Variants in MYH16 observed in about 807,000 individuals in gnomAD.
MYH16 encodes the protein myosin heavy chain 16.
intron 1 of MYH16, among the ~76,000 whole-genome samples, chr7:99,240,829 A>C (rs1358317558): frequency 8.6e-6 from 1 of 116,742 alleles, no homozygotes; most frequent in Non-Finnish European, 2.0e-5. Context: ...GACAGACAGA[A>C]ACCTTGTCTC....
intron 18 of MYH16, among the ~76,000 whole-genome samples, chr7:99,268,884 G>A (rs1266362924): frequency 6.6e-6 from 1 of 152,160 alleles, no homozygotes; most frequent in East Asian, 1.9e-4. Flanking sequence ...GCTCAGTTAG[G>A]TGCTGTACTC....
chr7:99,298,664 T>G (rs1792539870), intron 36 of MYH16, among the ~76,000 whole-genome samples: 1 of 152,222 alleles, frequency 6.6e-6, no homozygotes, highest in African/African-American at 2.4e-5. Context: ...TTGGATTGCT[T>G]CTTTTTATTG....
intron 9 of MYH16, among the ~76,000 whole-genome samples, chr7:99,256,037 T>C (rs1298276917): frequency 6.6e-6 from 1 of 151,970 alleles, no homozygotes; most frequent in Non-Finnish European, 1.5e-5. Context: ...ACTCACAACT[T>C]CTGTTAGGAT....
At chr7:99,300,081 T>C (rs576881941) in intron 37 of MYH16, among the ~76,000 whole-genome samples, 27 of 151,962 alleles carry the variant, frequency 1.8e-4, no homozygotes, top group African/African-American at 6.3e-4. Context: ...TGCCTCAGCC[T>C]CCTGAGTAGC....
At chr7:99,258,561 A>G (rs571290944) in intron 11 of MYH16, among the ~76,000 whole-genome samples, 33 of 152,160 alleles carry the variant, frequency 2.2e-4, no homozygotes, top group Non-Finnish European at 4.3e-4. Flanking sequence ...AGAAATTTCC[A>G]GCTTCATTTG....
intron 2 of MYH16, among the ~76,000 whole-genome samples, chr7:99,243,760 T>C (rs914391726): frequency 6.6e-6 from 1 of 152,110 alleles, no homozygotes; most frequent in African/African-American, 2.4e-5. Context: ...AGTCCATCCA[T>C]CCATCTATCC....
Position 99,297,942 on chromosome 7 carries a change from A to G in MYH16, n.4687A>G, listed in dbSNP as rs753941361. On this transcript the variant is annotated non_coding_transcript_exon_variant, in exon 36 of 42. Transcript: ENST00000439784. Reference sequence around the variant, plus strand: ...TTCAGTTGGAACTGGCTCAGGTTAAAGCTGACATCGACCGAAGAATCCATG... The same window carrying G: ...TTCAGTTGGAACTGGCTCAGGTTAAGGCTGACATCGACCGAAGAATCCATG... The G allele has an allele frequency of 2.6e-4, 121 of 456,730 alleles. 1 individual carries two copies. The highest frequency in any genetic ancestry group is 1.8e-3 in the South Asian group (118 of 64,574). 28.3% of individuals were successfully genotyped at this position (456,730 alleles called of 1,614,324 possible). A position where few individuals can be genotyped will look rare whatever the true frequency, so the allele number is the denominator to read the frequency against.
intron 8 of MYH16, among the ~76,000 whole-genome samples, chr7:99,255,264 G>A (rs565272532): frequency 1.1e-4 from 16 of 152,038 alleles, no homozygotes; most frequent in South Asian, 2.1e-4. Flanking sequence ...GCAAGACTCC[G>A]TCTCAAAAAA....
exon 33 of MYH16, chr7:99,294,080 C>T (rs1481569700): frequency 2.2e-6 from 1 of 456,086 alleles, no homozygotes. Context: ...CAGGCCCGGG[C>T]CGCCTCCCTC....
chr7:99,266,054 T>A (rs1354274999), intron 17 of MYH16, among the ~76,000 whole-genome samples: 1 of 152,204 alleles, frequency 6.6e-6, no homozygotes, highest in Admixed American at 6.5e-5. Flanking sequence ...GGTGGCTAAA[T>A]CTGAGACATT....
chr7:99,300,570 AAG>A (rs1431772581), intron 37 of MYH16, among the ~76,000 whole-genome samples: 1 of 152,164 alleles, frequency 6.6e-6, no homozygotes. Context: ...CAGGAGGCTG[AAG>A]AGAGAGGATT....
intron 32 of MYH16, among the ~76,000 whole-genome samples, chr7:99,293,583 C>G (rs1191951471): frequency 6.6e-6 from 1 of 152,144 alleles, no homozygotes; most frequent in Admixed American, 6.6e-5. Flanking sequence ...CTCCTGTGTC[C>G]CCTTCTCAGA....
chr7:99,250,420 C>G (rs1338631647), intron 5 of MYH16, among the ~76,000 whole-genome samples: 1 of 152,172 alleles, frequency 6.6e-6, no homozygotes, highest in Non-Finnish European at 1.5e-5. Context: ...AAAGCCTTAG[C>G]TGGGCAGCCA....
intron 2 of MYH16, among the ~76,000 whole-genome samples, chr7:99,244,206 A>G (rs1239498815): frequency 3.9e-5 from 6 of 152,186 alleles, no homozygotes; most frequent in Admixed American, 2.0e-4. Context: ...TCATTCATTA[A>G]TCAAAACACT....
rs532831158 is a variant in MYH16 at position 99,246,997 on chromosome 7, G to A, written n.355-597G>A. On this transcript the variant is annotated intron_variant and non_coding_transcript_variant, in intron 2 of 41. Coordinates refer to ENST00000439784, the Ensembl canonical transcript of MYH16. The stretch of plus-strand genomic sequence containing the variant: ...AATATCATAAATCGACTTTCAATAC[G>A]ATATTTTCAACATATGATGGGTTTA... Among the ~76,000 whole-genome samples, 22 of 152,186 alleles carry A rather than the reference G, an allele frequency of 1.4e-4. No individual in the cohort carries two copies. The South Asian group carries it at 4.6e-3, about 32-fold the overall frequency.
At chr7:99,260,411 A>T in intron 12 of MYH16, 1 of 633,284 alleles carries the variant, frequency 1.6e-6, no homozygotes, top group Non-Finnish European at 2.8e-6. Flanking sequence ...GGGAGGTGGC[A>T]CTTGGCTTCA....
chr7:99,306,331 C>T (rs1792678899), intron 41 of MYH16, among the ~76,000 whole-genome samples: 1 of 152,100 alleles, frequency 6.6e-6, no homozygotes, highest in Non-Finnish European at 1.5e-5. Flanking sequence ...GAGTTTGAGA[C>T]CAGCCTGGCC....
At chr7:99,241,711 AC>A (rs1791669457) in intron 1 of MYH16, among the ~76,000 whole-genome samples, 2 of 152,310 alleles carry the variant, frequency 1.3e-5, no homozygotes, top group Admixed American at 1.3e-4. Flanking sequence ...TGCCTATTGT[AC>A]TAATAAGTTA....
chr7:99,244,039 A>T (rs1226279761), intron 2 of MYH16, among the ~76,000 whole-genome samples: 4 of 152,048 alleles, frequency 2.6e-5, no homozygotes, highest in Non-Finnish European at 5.9e-5. Flanking sequence ...CCACCTATCC[A>T]AACATCGATC....
Sources: gnomAD v4.1 joint callset for allele counts (sites outside exome capture counted in the v4.1 genomes callset) on GRCh38, gnomAD v4.1.1 for gene constraint, MANE v1.5 for transcripts, NCBI Gene and HGNC (gene_info 2026-07-23, HGNC 2026-07-21) for gene names.